The following STAG1 variants were observed in gnomAD, a reference collection of about 807,000 sequenced individuals.
The protein encoded by STAG1 is STAG1 cohesin complex component, also known as cohesin subunit SA-1.
STAG1 carries 26 observed loss-of-function variants against 170.9 expected under a neutral mutation model. That is an observed-to-expected ratio of 0.15 (90% CI 0.11 to 0.21). The LOEUF (loss-of-function observed/expected upper bound fraction) is 0.21. Ranked by LOEUF, STAG1 falls within the 10% of genes least tolerant of loss-of-function variation. The pLI, the probability that STAG1 is intolerant of heterozygous loss-of-function variation, is 1.00. For missense variants in STAG1, 964 were observed against 1,509.5 expected (o/e 0.64, Z 5.99); for synonymous variants, 514 against 497.7 (o/e 1.03, Z -0.44).
intron 1 of STAG1, among the ~76,000 whole-genome samples, chr3:136,704,051 A>AT (rs113353607): frequency 0.017 from 2,234 of 129,956 alleles, 62 homozygotes; most frequent in East Asian, 0.066. Flanking sequence ...GGCATAAATG[A>AT]TTTTTTTTTT....
At chr3:136,498,257 C>CACATACATATACAT (rs1553733396) in intron 9 of STAG1, among the ~76,000 whole-genome samples, 2,748 of 83,160 alleles carry the variant, frequency 0.033, 185 homozygotes, top group African/African-American at 0.058. Flanking sequence ...CATACACACA[C>CACATACATATACAT]ACACACACAC....
rs1287774544 is a variant in STAG1, at chr3:136,336,947, GA to G, written c.*1306del. ...TTTGGAAATTCTGAGGCTTACTTTA[GA>G]AATCAGAAAGGAAGAGAGAGACTAA... On this transcript the variant is annotated 3_prime_UTR_variant, in exon 34 of 34. Coordinates refer to ENST00000383202, the MANE Select transcript of STAG1 (RefSeq NM_005862.3). 3.7e-5 allele frequency: 2 copies of G among 54,368 alleles called. No individual in the cohort carries two copies. Among genetic ancestry groups the G allele is most frequent in the African/African-American group, 1.5e-4 (2 of 13,282 alleles). The allele number at this position is 54,368 out of a possible 1,614,324, so 3.4% of individuals were successfully genotyped here.
intron 11 of STAG1, 77 bp downstream of exon 11, chr3:136,473,462 A>C: frequency 9.3e-7 from 1 of 1,079,564 alleles, no homozygotes; most frequent in Non-Finnish European, 1.4e-6. Context: ...TTGTATGATA[A>C]TGTAATTTGC....
intron 16 of STAG1, among the ~76,000 whole-genome samples, chr3:136,423,399 C>T (rs183266531): frequency 6.6e-5 from 10 of 152,280 alleles, no homozygotes; most frequent in Admixed American, 2.0e-4. Context: ...TATACACACA[C>T]TTTTTAAAGT....
chr3:136,467,020 G>A (rs1407724557), intron 12 of STAG1, among the ~76,000 whole-genome samples: 3 of 152,110 alleles, frequency 2.0e-5, no homozygotes, highest in Non-Finnish European at 4.4e-5. Flanking sequence ...ACATGGAAAG[G>A]AACAACCAGT....
intron 15 of STAG1, among the ~76,000 whole-genome samples, chr3:136,436,881 A>T (rs2088477607): frequency 1.3e-5 from 2 of 152,216 alleles, no homozygotes; most frequent in African/African-American, 2.4e-5. Flanking sequence ...ATTGTCTTTT[A>T]AAAAAACACA....
chr3:136,557,223 G>A (rs1319956458), intron 5 of STAG1, among the ~76,000 whole-genome samples: 1 of 152,034 alleles, frequency 6.6e-6, no homozygotes. Context: ...GGGTTACAGG[G>A]TGAGACACCA....
At chr3:136,430,716 T>C (rs1430253007) in intron 16 of STAG1, among the ~76,000 whole-genome samples, 1 of 151,298 alleles carries the variant, frequency 6.6e-6, no homozygotes, top group Admixed American at 6.6e-5. Flanking sequence ...CTGGGCCACA[T>C]GCAGCCTGCA....
intron 21 of STAG1, among the ~76,000 whole-genome samples, chr3:136,401,538 G>A (rs971451880): frequency 4.6e-5 from 7 of 152,134 alleles, no homozygotes; most frequent in Non-Finnish European, 8.8e-5. Context: ...CTTGATATCA[G>A]ATTGCTTAAG....
At chr3:136,683,071 C>G (rs1213975288) in intron 1 of STAG1, among the ~76,000 whole-genome samples, 5 of 152,112 alleles carry the variant, frequency 3.3e-5, no homozygotes, top group East Asian at 1.9e-4. Flanking sequence ...CATCAACATT[C>G]AGAGAGACAG....
chr3:136,748,308 C>G (rs997918567), intron 1 of STAG1, among the ~76,000 whole-genome samples: 3 of 151,890 alleles, frequency 2.0e-5, no homozygotes, highest in African/African-American at 7.2e-5. Context: ...GGCTGAGGCA[C>G]GCGAATCGCC....
intron 6 of STAG1, among the ~76,000 whole-genome samples, chr3:136,538,951 G>A (rs1338210149): frequency 6.6e-6 from 1 of 152,012 alleles, no homozygotes; most frequent in East Asian, 1.9e-4. Flanking sequence ...TGGCTGACAC[G>A]GTGAAACCCC....
intron 23 of STAG1, 46 bp downstream of exon 23, chr3:136,377,614 G>A (rs755790811): frequency 6.8e-6 from 10 of 1,465,010 alleles, no homozygotes; most frequent in South Asian, 4.6e-5. Context: ...GTTCATTAAT[G>A]TATTTGAGTT....
intron 21 of STAG1, among the ~76,000 whole-genome samples, chr3:136,407,025 G>A (rs1394731704): frequency 6.6e-6 from 1 of 151,886 alleles, no homozygotes; most frequent in Non-Finnish European, 1.5e-5. Context: ...TTCTCTTTTT[G>A]CAATCTCTTT....
At chr3:136,730,218 T>C (rs1933936389) in intron 1 of STAG1, among the ~76,000 whole-genome samples, 1 of 152,220 alleles carries the variant, frequency 6.6e-6, no homozygotes, top group Non-Finnish European at 1.5e-5. Context: ...AAAATATTTC[T>C]AATTTCTGTT....
At chr3:136,564,963 G>GAGGAAGGAAGGAAGGA (rs546552313) in intron 5 of STAG1, among the ~76,000 whole-genome samples, 687 of 37,680 alleles carry the variant, frequency 0.018, 69 homozygotes, top group East Asian at 0.047. Context: ...ACATGTGTAT[G>GAGGAAGGAAGGAAGGA]AGGAAGGAAG....
chr3:136,514,215 A>C lies in STAG1; in HGVS notation c.676+6998T>G, dbSNP rs183393661. Among the ~76,000 whole-genome samples the C allele has an allele frequency of 8.1e-4, 124 of 152,346 alleles. 1 individual carries two copies. Among genetic ancestry groups the C allele is most frequent in the Non-Finnish European group, 1.6e-3 (106 of 68,022 alleles). ...TCTGTGCCCTCTTTACAACCAAACCAAGTAAGCTTAGCTGTTCTCTATATT... is the reference window on the plus strand; with the variant it reads ...TCTGTGCCCTCTTTACAACCAAACCCAGTAAGCTTAGCTGTTCTCTATATT... On this transcript the variant is annotated intron_variant, in intron 7 of 33. Transcript: ENST00000383202.
At chr3:136,506,248 T>G (rs1338593050) in intron 7 of STAG1, among the ~76,000 whole-genome samples, 1 of 152,160 alleles carries the variant, frequency 6.6e-6, no homozygotes, top group Non-Finnish European at 1.5e-5. Context: ...GTCTTAGGTT[T>G]TTGCCTTTGG....
At chr3:136,491,476 G>A (rs1386245264) in intron 9 of STAG1, among the ~76,000 whole-genome samples, 3 of 152,082 alleles carry the variant, frequency 2.0e-5, no homozygotes, top group Non-Finnish European at 2.9e-5. Context: ...CATTAAATAT[G>A]AATTTGTGAG....
Sources: gnomAD v4.1 joint callset for allele counts (sites outside exome capture counted in the v4.1 genomes callset) on GRCh38, gnomAD v4.1.1 for gene constraint, MANE v1.5 for transcripts, NCBI Gene and HGNC (gene_info 2026-07-23, HGNC 2026-07-21) for gene names.